The following ERCC6L2 variants were observed in gnomAD, a reference collection of about 807,000 sequenced individuals.
ERCC6L2 encodes DNA excision repair protein ERCC-6-like 2.
ERCC6L2 carries 77 observed loss-of-function variants against 132.0 expected under a neutral mutation model. That is an observed-to-expected ratio of 0.58 (90% CI 0.49 to 0.71). The LOEUF is 0.71. ERCC6L2 is among the 30% of genes least tolerant of loss of function. The pLI, the probability that ERCC6L2 is intolerant of heterozygous loss-of-function variation, is 0.00. For synonymous variants in ERCC6L2, 583 were observed against 632.4 expected (o/e 0.92, Z 1.17); for missense variants, 1,542 against 1,837.6 (o/e 0.84, Z 2.94).
rs1231549262 is a variant in ERCC6L2, at chr9:95,875,853, C to T, written c.-186C>T. 6 of 619,534 alleles carry T rather than the reference C, an allele frequency of 9.7e-6. No individual in the cohort carries two copies. Among genetic ancestry groups the T allele is most frequent in the East Asian group, 5.6e-5 (2 of 35,804 alleles). The allele number at this position is 619,534 out of a possible 1,614,324, so 38.4% of individuals were successfully genotyped here. ...CGCCCTCCCGTTCTGCTTGGGTCCC[C>T]TTAGTCGCTACCTTTGCTGGGATCC... On this transcript the variant is annotated 5_prime_UTR_variant, in exon 1 of 19. Coordinates refer to ENST00000653738, the MANE Select transcript of ERCC6L2 (RefSeq NM_020207.7).
At chr9:95,896,862 T>C (rs998868543) in intron 2 of ERCC6L2, among the ~76,000 whole-genome samples, 11 of 152,320 alleles carry the variant, frequency 7.2e-5, no homozygotes, top group African/African-American at 2.6e-4. Flanking sequence ...GTTCTGGTTC[T>C]TGGAAGAAGA....
At chr9:95,896,864 G>C (rs1828492749) in intron 2 of ERCC6L2, among the ~76,000 whole-genome samples, 1 of 152,022 alleles carries the variant, frequency 6.6e-6, no homozygotes, top group Admixed American at 6.6e-5. Context: ...TCTGGTTCTT[G>C]GAAGAAGATC....
Position 95,972,598 on chromosome 9 carries a change from T to C in ERCC6L2, c.2847T>C (p.Asp949=). 2.3e-6 allele frequency: 3 copies of C among 1,289,392 alleles called. No individual in the cohort carries two copies. Among genetic ancestry groups the C allele is most frequent in the Non-Finnish European group, 3.0e-6 (3 of 988,646 alleles). 79.9% of individuals were successfully genotyped at this position (1,289,392 alleles called of 1,614,324 possible). A position where few individuals can be genotyped will look rare whatever the true frequency, so the allele number is the denominator to read the frequency against. ...ATAATGATAATAGTCGAAACACTGA[T>C]GACAAAAGAAATGGAATAATTTCAA... ...TRNNDNSRNT[D]DKRNGIISKK... is the part of the protein sequence containing the mutation. The change falls in exon 16 of 19, where the codon GAT becomes GAC. Residue 949 remains aspartate, a synonymous_variant. Transcript: ENST00000653738.
At chr9:95,999,724 C>T (rs1833592960) in intron 17 of ERCC6L2, among the ~76,000 whole-genome samples, 1 of 151,772 alleles carries the variant, frequency 6.6e-6, no homozygotes, top group Non-Finnish European at 1.5e-5. Flanking sequence ...AATACCATCT[C>T]ATCTCATAGT....
chr9:96,038,624 T>A (rs1196034351), intron 19 of ERCC6L2, among the ~76,000 whole-genome samples: 1 of 152,226 alleles, frequency 6.6e-6, no homozygotes, highest in Non-Finnish European at 1.5e-5. Flanking sequence ...ATGGTGACTT[T>A]GTTCGAGTGA....
At chr9:95,957,542 C>G (rs566160186) in intron 13 of ERCC6L2, among the ~76,000 whole-genome samples, 2 of 151,868 alleles carry the variant, frequency 1.3e-5, no homozygotes, top group African/African-American at 4.8e-5. Flanking sequence ...TTAGACTACT[C>G]TCAAGTAAGA....
At chr9:95,938,604 C>T (rs62562981) in intron 11 of ERCC6L2, among the ~76,000 whole-genome samples, 40 of 152,026 alleles carry the variant, frequency 2.6e-4, no homozygotes, top group Non-Finnish European at 5.7e-4. Flanking sequence ...TTTCTTTGCT[C>T]TGACATATAC....
At chr9:95,928,224 A>G (rs775672750) in intron 10 of ERCC6L2, 74 bp downstream of exon 10, 2 of 953,128 alleles carry the variant, frequency 2.1e-6, no homozygotes, top group Non-Finnish European at 3.3e-6. Context: ...GCATATGCCT[A>G]CATGACACCT....
intron 1 of ERCC6L2, chr9:95,876,364 G>C (rs1445087215): frequency 1.5e-5 from 6 of 393,136 alleles, no homozygotes; most frequent in Non-Finnish European, 2.3e-5. Flanking sequence ...TCATTACTAG[G>C]TTCTTGCGAT....
intron 6 of ERCC6L2, among the ~76,000 whole-genome samples, chr9:95,919,129 T>C (rs879643391): frequency 6.6e-6 from 1 of 151,956 alleles, no homozygotes; most frequent in African/African-American, 2.4e-5. Flanking sequence ...CCAAAGTGCT[T>C]GGATTACAGG....
intron 14 of ERCC6L2, chr9:95,967,791 C>G (rs527242694): frequency 6.6e-6 from 1 of 152,000 alleles, no homozygotes; most frequent in African/African-American, 2.4e-5. Flanking sequence ...TACGCTGTTT[C>G]TTTCATGAAT....
At chr9:96,039,453 T>C (rs1834553941) in intron 20 of ERCC6L2, among the ~76,000 whole-genome samples, 1 of 151,720 alleles carries the variant, frequency 6.6e-6, no homozygotes, top group African/African-American at 2.4e-5. Flanking sequence ...CGTTTCTGGG[T>C]GGATGTGGCT....
intron 17 of ERCC6L2, among the ~76,000 whole-genome samples, chr9:96,002,436 T>C (rs1225890624): frequency 6.6e-6 from 1 of 151,416 alleles, no homozygotes; most frequent in Non-Finnish European, 1.5e-5. Context: ...TTTTTTTTTT[T>C]CCTGAGACAA....
chr9:95,931,958 A>G (rs886841379), intron 11 of ERCC6L2, among the ~76,000 whole-genome samples: 4 of 151,856 alleles, frequency 2.6e-5, no homozygotes, highest in African/African-American at 2.4e-5. Flanking sequence ...CAGACTTTCA[A>G]ACTTTCAAAC....
At chr9:95,987,704 G>A (rs1233932122) in intron 17 of ERCC6L2, among the ~76,000 whole-genome samples, 2 of 152,138 alleles carry the variant, frequency 1.3e-5, no homozygotes, top group Admixed American at 6.5e-5. Flanking sequence ...ACCATTATGG[G>A]GCCTGGAGTA....
In ERCC6L2 at chr9:95,918,510, T is replaced by C. The variant is rs1176841009; in HGVS notation, c.1158+2076T>C. The C allele has an allele frequency of 4.6e-5, 23 of 499,354 alleles. 2 individuals carry two copies. The highest frequency in any genetic ancestry group is 8.9e-5 in the Non-Finnish European group (22 of 247,744). 30.9% of individuals were successfully genotyped at this position (499,354 alleles called of 1,614,324 possible). On this transcript the variant is annotated intron_variant, in intron 6 of 18. Coordinates refer to ENST00000653738, the MANE Select transcript of ERCC6L2 (RefSeq NM_020207.7). Reference sequence around the variant, plus strand: ...AGGTTTTGGAAGTAAAGTTACAACATACCTACTTGCTAAAGACAAAATGAT... The same window carrying C: ...AGGTTTTGGAAGTAAAGTTACAACACACCTACTTGCTAAAGACAAAATGAT...
intron 12 of ERCC6L2, among the ~76,000 whole-genome samples, chr9:95,947,538 T>C (rs1013165639): frequency 6.6e-6 from 1 of 152,196 alleles, no homozygotes; most frequent in African/African-American, 2.4e-5. Flanking sequence ...GCTAAGATCA[T>C]TGTTGAAGGT....
intron 17 of ERCC6L2, among the ~76,000 whole-genome samples, chr9:96,001,108 C>T (rs1306561289): frequency 6.6e-6 from 1 of 151,892 alleles, no homozygotes; most frequent in Non-Finnish European, 1.5e-5. Flanking sequence ...CCGGTGGGCT[C>T]GTGGTCTCGC....
intron 18 of ERCC6L2, among the ~76,000 whole-genome samples, chr9:96,011,237 G>A (rs1431300211): frequency 1.3e-5 from 2 of 152,214 alleles, no homozygotes; most frequent in African/African-American, 4.8e-5. Context: ...CTGGCAGGTG[G>A]CCACCATCTC....
Sources: allele counts gnomAD v4.1 joint callset (sites outside exome capture counted in the v4.1 genomes callset), GRCh38; gene constraint gnomAD v4.1.1; transcripts MANE v1.5; gene names NCBI Gene and HGNC (gene_info 2026-07-23, HGNC 2026-07-21).